CADM2: variants seen among roughly 807,000 people sequenced by gnomAD.
CADM2 encodes the protein cell adhesion molecule 2, also known as immunoglobulin superfamily member 4D.
Under a neutral mutation model 49.8 loss-of-function variants are expected in CADM2, and 12 were observed. The observed-to-expected ratio is 0.24, with a 90% CI of 0.15 to 0.39. The LOEUF is 0.39. Ranked by LOEUF, CADM2 falls within the 10% of genes least tolerant of loss-of-function variation. The pLI is 1.00. For synonymous variants in CADM2, 214 were observed against 175.4 expected (o/e 1.22, Z -1.74); for missense variants, 378 against 492.3 (o/e 0.77, Z 2.20).
At chr3:85,880,448 T>C (rs1207889847) in intron 3 of CADM2, among the ~76,000 whole-genome samples, 1 of 152,182 alleles carries the variant, frequency 6.6e-6, no homozygotes, top group Non-Finnish European at 1.5e-5. Context: ...TTACTAATTC[T>C]TTTATGTTTG....
chr3:85,565,713 G>C (rs2062235851), intron 1 of CADM2, among the ~76,000 whole-genome samples: 1 of 152,044 alleles, frequency 6.6e-6, no homozygotes, highest in South Asian at 2.1e-4. Flanking sequence ...TTTCTAAGCT[G>C]TAAGATAGGG....
chr3:86,034,092 T>C (rs949874886), intron 8 of CADM2, among the ~76,000 whole-genome samples: 12 of 151,784 alleles, frequency 7.9e-5, no homozygotes, highest in African/African-American at 2.9e-4. Context: ...TAAAAATAAT[T>C]AGAACCACCA....
At chr3:85,795,237 T>G (rs1037359621) in intron 2 of CADM2, among the ~76,000 whole-genome samples, 1 of 152,150 alleles carries the variant, frequency 6.6e-6, no homozygotes, top group Non-Finnish European at 1.5e-5. Context: ...TAAGATTGAA[T>G]GGAGACCTTG....
intron 8 of CADM2, among the ~76,000 whole-genome samples, chr3:85,966,619 A>G (rs1385430960): frequency 6.6e-6 from 1 of 151,566 alleles, no homozygotes; most frequent in Non-Finnish European, 1.5e-5. Flanking sequence ...TGACCTTTAC[A>G]ACCATGTAAG....
intron 8 of CADM2, among the ~76,000 whole-genome samples, chr3:85,988,924 A>G (rs1049696359): frequency 2.6e-5 from 4 of 152,178 alleles, no homozygotes; most frequent in African/African-American, 9.7e-5. Flanking sequence ...ATTACATCAG[A>G]GTCATTGAGA....
intron 1 of CADM2, among the ~76,000 whole-genome samples, chr3:85,100,394 C>A (rs1348402972): frequency 6.6e-6 from 1 of 152,140 alleles, no homozygotes; most frequent in Non-Finnish European, 1.5e-5. Context: ...ATATTTGCTT[C>A]ATGTCTTGTT....
chr3:85,442,675 G>A (rs1011877040), intron 1 of CADM2, among the ~76,000 whole-genome samples: 24 of 141,770 alleles, frequency 1.7e-4, no homozygotes, highest in African/African-American at 6.7e-4. Flanking sequence ...CAGAGTTCAG[G>A]GATTGAAGAT....
intron 1 of CADM2, among the ~76,000 whole-genome samples, chr3:85,416,460 T>TA (rs1486922336): frequency 3.9e-5 from 6 of 152,122 alleles, no homozygotes; most frequent in Non-Finnish European, 8.8e-5. Flanking sequence ...TTAGAAAACG[T>TA]AAAAAATTTA....
rs369876287 is a variant in CADM2 at position 85,860,669 on chromosome 3, A to G, written c.239-22622A>G. On this transcript the variant is annotated intron_variant, in intron 3 of 9. Coordinates refer to ENST00000383699, the MANE Select transcript of CADM2 (RefSeq NM_001167675.2). ...TTTTTTAGGGTCTATTAGGGCATGA[A>G]TTCCATTCACGAAAGCTCTGATCTT... Among the ~76,000 whole-genome samples the G allele has an allele frequency of 1.7e-3, 256 of 152,218 alleles. 1 individual carries two copies. The highest frequency in any genetic ancestry group is 2.8e-3 in the Non-Finnish European group (192 of 68,008).
chr3:86,042,952 C>T (rs1736147964), intron 8 of CADM2, among the ~76,000 whole-genome samples: 2 of 152,000 alleles, frequency 1.3e-5, no homozygotes, highest in South Asian at 4.2e-4. Context: ...TCTAATCCAG[C>T]ATATAAACAG....
chr3:85,616,782 T>C (rs934832882), intron 1 of CADM2, among the ~76,000 whole-genome samples: 2 of 152,158 alleles, frequency 1.3e-5, no homozygotes, highest in African/African-American at 4.8e-5. Flanking sequence ...AATGTAAATA[T>C]GTATCATAAG....
chr3:85,014,758 T>G (rs2034177612), intron 1 of CADM2, among the ~76,000 whole-genome samples: 1 of 152,172 alleles, frequency 6.6e-6, no homozygotes, highest in African/African-American at 2.4e-5. Flanking sequence ...TAAGCTTCGG[T>G]TCCTCCTAAA....
intron 1 of CADM2, among the ~76,000 whole-genome samples, chr3:85,701,123 G>A (rs1191665260): frequency 1.3e-5 from 2 of 152,148 alleles, no homozygotes; most frequent in East Asian, 1.9e-4. Flanking sequence ...AGAAAGCAAA[G>A]GGGGAGCTGC....
intron 1 of CADM2, among the ~76,000 whole-genome samples, chr3:85,222,886 AT>A (rs947131905): frequency 6.6e-6 from 1 of 151,952 alleles, no homozygotes; most frequent in African/African-American, 2.4e-5. Context: ...ATACATACCT[AT>A]TTTTCCCATC....
intron 8 of CADM2, among the ~76,000 whole-genome samples, chr3:85,973,320 C>T (rs903859772): frequency 6.6e-6 from 1 of 151,574 alleles, no homozygotes; most frequent in African/African-American, 2.4e-5. Flanking sequence ...TGCACCATGG[C>T]CATGCCTGTG....
At chr3:85,664,992 T>G in intron 1 of CADM2, among the ~76,000 whole-genome samples, 1 of 152,018 alleles carries the variant, frequency 6.6e-6, no homozygotes, top group Non-Finnish European at 1.5e-5. Flanking sequence ...AGATAAAGAA[T>G]TTTTGTCTAT....
In CADM2 at chr3:85,748,744, T is replaced by C. The variant is rs371402015; in HGVS notation, c.88+22196T>C. Among the ~76,000 whole-genome samples the C allele has an allele frequency of 4.6e-5, 7 of 152,226 alleles. No individual in the cohort carries two copies. In the South Asian group the frequency reaches 1.0e-3, roughly 23 times the overall value. ...GCCTCTCTCAGGTGTTTACCACATG[T>C]TTTTGTCTTTATTGATATGTTCTTT... is the stretch of plus-strand genomic sequence containing the variant. On this transcript the variant is annotated intron_variant, in intron 2 of 9. Coordinates refer to ENST00000383699, the MANE Select transcript of CADM2 (RefSeq NM_001167675.2).
rs192809002 is a variant in CADM2 at position 85,375,346 on chromosome 3, A to G, written c.62-351176A>G. 1.1e-4 allele frequency among the ~76,000 whole-genome samples: 17 copies of G among 152,324 alleles called. No homozygotes were observed. In the East Asian group the frequency reaches 3.3e-3, roughly 29 times the overall value. On this transcript the variant is annotated intron_variant, in intron 1 of 9. Coordinates refer to ENST00000383699, the MANE Select transcript of CADM2 (RefSeq NM_001167675.2). ...TTTCACTTTTTCTTCCTATCTCTCA[A>G]GAAGGAGCCTAAACACAGACAAGAA...
intron 2 of CADM2, among the ~76,000 whole-genome samples, chr3:85,781,799 CTAAG>C (rs1167383696): frequency 6.6e-6 from 1 of 152,136 alleles, no homozygotes; most frequent in Non-Finnish European, 1.5e-5. Flanking sequence ...TTTCACAAAG[CTAAG>C]TAATACCCAC....
Sources: allele counts gnomAD v4.1 joint callset (sites outside exome capture counted in the v4.1 genomes callset), GRCh38; gene constraint gnomAD v4.1.1; transcripts MANE v1.5; gene names NCBI Gene and HGNC (gene_info 2026-07-23, HGNC 2026-07-21).